Variants in PLCH2 observed in about 807,000 individuals in gnomAD.
PLCH2 encodes phospholipase C eta 2, also known as 1-phosphatidylinositol 4,5-bisphosphate phosphodiesterase eta-2.
Under a neutral mutation model 134.7 loss-of-function variants are expected in PLCH2, and 98 were observed. That is an observed-to-expected ratio of 0.73 (90% CI 0.62 to 0.86). The LOEUF (loss-of-function observed/expected upper bound fraction) is 0.86, where lower values mean the gene tolerates loss of function less well. Among genes scored for constraint, PLCH2 ranks in the 40% least tolerant of loss-of-function variants. The probability of loss-of-function intolerance (pLI) is 0.00; values close to 1 mark genes in which losing one functional copy is unlikely to be tolerated. For synonymous variants in PLCH2, 974 were observed against 827.5 expected, an observed-to-expected ratio of 1.18 and a Z score of -3.04; for missense variants, 1,994 against 1,986.6, an observed-to-expected ratio of 1.00 and a Z score of -0.07.
intron 21 of PLCH2, 36 bp from the exon 22 acceptor site, chr1:2,503,886 C>A (rs1412084206): frequency 1.4e-6 from 1 of 696,586 alleles, no homozygotes; most frequent in Admixed American, 2.1e-5. Context: ...TCTGCTTCTC[C>A]CTCTGGCTCT....
At chr1:2,426,707 G>A (rs1045351469) in intron 1 of PLCH2, among the ~76,000 whole-genome samples, 3 of 152,260 alleles carry the variant, frequency 2.0e-5, no homozygotes, top group Non-Finnish European at 2.9e-5. Context: ...ATTCCTGCCC[G>A]CTGTGAGCAT....
intron 4 of PLCH2, among the ~76,000 whole-genome samples, chr1:2,483,401 G>T (rs1642080673): frequency 1.3e-5 from 2 of 152,206 alleles, no homozygotes; most frequent in African/African-American, 4.8e-5. Context: ...AGCTGGGCAG[G>T]TGTGAAACGA....
At chr1:2,468,400 G>A (rs182718220) in intron 1 of PLCH2, among the ~76,000 whole-genome samples, 75 of 152,348 alleles carry the variant, frequency 4.9e-4, no homozygotes, top group African/African-American at 1.7e-3. Flanking sequence ...CAGGGGTGGC[G>A]GAAGCCCCGG....
At chr1:2,452,554 C>T (rs12075291) in intron 2 of PLCH2, among the ~76,000 whole-genome samples, 2,328 of 152,318 alleles carry the variant, frequency 0.015, 56 homozygotes, top group African/African-American at 0.053. Context: ...GGTCCACCTC[C>T]CTCCAGCGGC....
At chr1:2,428,504 T>G (rs1366485068) in intron 1 of PLCH2, among the ~76,000 whole-genome samples, 2 of 152,250 alleles carry the variant, frequency 1.3e-5, no homozygotes, top group East Asian at 3.8e-4. Flanking sequence ...GCTCGCCCGG[T>G]GCCGTGCTGT....
intron 19 of PLCH2, 131 bp downstream of exon 19, chr1:2,499,361 G>A: frequency 8.6e-7 from 1 of 1,157,756 alleles, no homozygotes; most frequent in Non-Finnish European, 1.2e-6. Context: ...AGGAGCTGAG[G>A]ACGGGAGGAG....
At chr1:2,499,555 G>A in intron 19 of PLCH2, 86 bp from the exon 20 acceptor site, 1 of 1,047,644 alleles carries the variant, frequency 9.5e-7, no homozygotes, top group South Asian at 1.3e-5. Context: ...TGGGGTCTTG[G>A]GACCTTTAAG....
At chr1:2,496,736 G>A (rs768420406) in intron 14 of PLCH2, 32 bp downstream of exon 14, 17 of 1,608,676 alleles carry the variant, frequency 1.1e-5, no homozygotes, top group South Asian at 5.5e-5. Context: ...GGCCACGGGC[G>A]GAGGCCTCCC....
upstream of PLCH2, among the ~76,000 whole-genome samples, chr1:2,474,917 G>A (rs998568599): frequency 5.3e-5 from 8 of 152,176 alleles, no homozygotes; most frequent in African/African-American, 7.2e-5. Context: ...GGCCTTCCCC[G>A]AGGCCCTGTC....
At chr1:2,487,956 C>T (rs1422704577) in intron 8 of PLCH2, among the ~76,000 whole-genome samples, 1 of 152,232 alleles carries the variant, frequency 6.6e-6, no homozygotes, top group African/African-American at 2.4e-5. Context: ...GGTGGCACCT[C>T]CCGGTGTCAG....
intron 16 of PLCH2, 127 bp downstream of exon 16, chr1:2,497,736 T>G: frequency 1.7e-6 from 1 of 596,246 alleles, no homozygotes; most frequent in Non-Finnish European, 3.0e-6. Flanking sequence ...CAGAGTCCCC[T>G]GGAGGGTCAG....
the PLCH2 span, among the ~76,000 whole-genome samples, chr1:2,418,770 A>G: frequency 1.3e-5 from 2 of 151,980 alleles, no homozygotes; most frequent in African/African-American, 4.8e-5. Flanking sequence ...CAGACACCTG[A>G]CCTGTGCGCT....
chr1:2,478,737 C>A, intron 2 of PLCH2, 115 bp downstream of exon 2: 3 of 1,043,642 alleles, frequency 2.9e-6, no homozygotes, highest in Non-Finnish European at 4.2e-6. Context: ...TAGGCCTGGA[C>A]ACCTCTGGGC....
At chr1:2,501,296 C>T (rs939530884) in intron 20 of PLCH2, 2 of 152,206 alleles carry the variant, frequency 1.3e-5, no homozygotes, top group African/African-American at 4.8e-5. Context: ...TGTGAGGGCC[C>T]CTCTGGCCTC....
chr1:2,459,603 G>A (rs1001740295), intron 2 of PLCH2, among the ~76,000 whole-genome samples: 6 of 108,050 alleles, frequency 5.6e-5, no homozygotes, highest in Admixed American at 9.5e-5. Flanking sequence ...CTTCCTTTCC[G>A]GTGGTCCTCC....
At chr1:2,495,325 G>A (rs1026540032) in intron 12 of PLCH2, among the ~76,000 whole-genome samples, 163 bp from the exon 13 acceptor site, 1 of 152,196 alleles carries the variant, frequency 6.6e-6, no homozygotes, top group Non-Finnish European at 1.5e-5. Context: ...GATCGAGAGG[G>A]CACCGAGGAG....
At chr1:2,480,061 G>T in intron 3 of PLCH2, 84 bp downstream of exon 3, 1 of 1,579,812 alleles carries the variant, frequency 6.3e-7, no homozygotes, top group Non-Finnish European at 8.6e-7. Context: ...TCCTTTGCCG[G>T]GTCACACACT....
intron 1 of PLCH2, among the ~76,000 whole-genome samples, chr1:2,477,426 C>T (rs1027533697): frequency 7.2e-5 from 11 of 152,340 alleles, no homozygotes; most frequent in East Asian, 5.8e-4. Flanking sequence ...CAAGAAGGCC[C>T]GGCCAGTACT....
chr1:2,424,717 G>C (rs963591336), upstream of PLCH2, among the ~76,000 whole-genome samples: 3 of 152,216 alleles, frequency 2.0e-5, no homozygotes, highest in South Asian at 2.1e-4. Flanking sequence ...GCCGGGCGCG[G>C]TGGCTCATGC....
Sources: allele counts gnomAD v4.1 joint callset (sites outside exome capture counted in the v4.1 genomes callset), GRCh38; gene constraint gnomAD v4.1.1; transcripts MANE v1.5; gene names NCBI Gene and HGNC (gene_info 2026-07-23, HGNC 2026-07-21).